The following COL13A1 variants were observed in gnomAD, a reference collection of about 807,000 sequenced individuals.
COL13A1 encodes collagen type XIII alpha 1 chain, also known as collagen alpha-1(XIII) chain.
A neutral mutation model predicts 130.9 loss-of-function variants in COL13A1; 89 were observed. That is an observed-to-expected ratio of 0.68 (90% CI 0.57 to 0.81). The LOEUF (loss-of-function observed/expected upper bound fraction) is 0.81, where lower values mean the gene tolerates loss of function less well. COL13A1 is among the 30% of genes least tolerant of loss of function. COL13A1 has a pLI of 0.00. For synonymous variants in COL13A1, 402 were observed against 341.6 expected (o/e 1.18, Z -1.95); for missense variants, 879 against 934.6 (o/e 0.94, Z 0.78).
rs1554863534 is a variant in COL13A1, at chr10:69,810,376, G to GAC, written c.294+7660_294+7661insCA. 2.3e-4 allele frequency among the ~76,000 whole-genome samples: 31 copies of GAC among 133,928 alleles called. 1 individual carries two copies. The highest frequency in any genetic ancestry group is 6.6e-4 in the African/African-American group (23 of 34,938). 87.9% of individuals were successfully genotyped at this position (133,928 alleles called of 152,430 possible). A position where few individuals can be genotyped will look rare whatever the true frequency, so the allele number is the denominator to read the frequency against. On this transcript the variant is annotated intron_variant, in intron 1 of 40. Coordinates refer to ENST00000645393, the MANE Select transcript of COL13A1 (RefSeq NM_001368882.1). Reference sequence around the variant, plus strand: ...AGAGAGAGAGAGAGAGAGAGAGAGAGAGAGACAGAGAGTCTGTGTGGCCCA... The same window carrying GAC: ...AGAGAGAGAGAGAGAGAGAGAGAGAGACAGAGACAGAGAGTCTGTGTGGCCCA...
At chr10:69,833,085 G>T (rs1181686728) in intron 2 of COL13A1, among the ~76,000 whole-genome samples, 4 of 152,194 alleles carry the variant, frequency 2.6e-5, no homozygotes, top group African/African-American at 7.2e-5. Flanking sequence ...GTCTCAGAGA[G>T]ACCAGTGGAA....
At chr10:69,854,930 G>A (rs1032922472) in intron 2 of COL13A1, among the ~76,000 whole-genome samples, 2 of 152,150 alleles carry the variant, frequency 1.3e-5, no homozygotes, top group Non-Finnish European at 2.9e-5. Context: ...GCTTTGTCAT[G>A]TGTGTAAGGA....
chr10:69,936,461 A>G (rs1489530034), intron 32 of COL13A1, among the ~76,000 whole-genome samples: 1 of 152,140 alleles, frequency 6.6e-6, no homozygotes, highest in Non-Finnish European at 1.5e-5. Flanking sequence ...GCCTGTATTA[A>G]TTTAATGTTT....
intron 33 of COL13A1, among the ~76,000 whole-genome samples, chr10:69,937,340 T>G (rs768516404): frequency 3.3e-5 from 5 of 152,196 alleles, no homozygotes; most frequent in Non-Finnish European, 5.9e-5. Context: ...TCTGTAAGGT[T>G]CCCATTCTCC....
chr10:69,867,671 G>C, intron 2 of COL13A1, 127 bp from the exon 3 acceptor site: 1 of 649,860 alleles, frequency 1.5e-6, no homozygotes, highest in Non-Finnish European at 2.9e-6. Context: ...GCCAGGAAAA[G>C]ACAAACTTCG....
chr10:69,816,190 T>C (rs1844456366), intron 1 of COL13A1, among the ~76,000 whole-genome samples: 2 of 145,070 alleles, frequency 1.4e-5, no homozygotes, highest in Admixed American at 1.4e-4. Flanking sequence ...GGCCAGGTGG[T>C]AGTCATGGAG....
At chr10:69,836,461 T>A (rs956007742) in intron 2 of COL13A1, among the ~76,000 whole-genome samples, 1 of 152,160 alleles carries the variant, frequency 6.6e-6, no homozygotes, top group Non-Finnish European at 1.5e-5. Flanking sequence ...CTCGGCTTCC[T>A]GGTGAGAGGC....
At chr10:69,879,136 A>T (rs1369038067) in intron 6 of COL13A1, among the ~76,000 whole-genome samples, 1 of 152,226 alleles carries the variant, frequency 6.6e-6, no homozygotes. Flanking sequence ...GCCAAGTCAC[A>T]TGCCCCGGGT....
At chr10:69,802,766 C>A in intron 1 of COL13A1, 49 bp downstream of exon 1, 2 of 1,603,290 alleles carry the variant, frequency 1.2e-6, no homozygotes, top group Admixed American at 1.7e-5. Context: ...GGCGCCCCCT[C>A]GCGCAGCCTC....
At chr10:69,923,276 A>T (rs1185178811) in intron 23 of COL13A1, among the ~76,000 whole-genome samples, 3 of 152,242 alleles carry the variant, frequency 2.0e-5, no homozygotes, top group African/African-American at 7.2e-5. Context: ...GGTAGGTGGC[A>T]GCAGTGGAGG....
Position 69,887,444 on chromosome 10 carries a change from T to G in COL13A1, c.514-12T>G. 6.2e-7 allele frequency: 1 copy of G among 1,612,880 alleles called. No homozygotes were observed. The highest frequency in any genetic ancestry group is 8.5e-7 in the Non-Finnish European group (1 of 1,179,508). On this transcript the variant is annotated splice_polypyrimidine_tract_variant and intron_variant, in intron 7 of 40. Coordinates refer to ENST00000645393, the MANE Select transcript of COL13A1 (RefSeq NM_001368882.1). ...GCTCAATCTCATGTGTCTCTTGTTTTTTTTTTTTCAGGGTCAACCAGGAAC... is the reference window on the plus strand; with the variant it reads ...GCTCAATCTCATGTGTCTCTTGTTTGTTTTTTTTCAGGGTCAACCAGGAAC...
chr10:69,802,788 G>C, intron 1 of COL13A1, 71 bp downstream of exon 1: 1 of 1,569,012 alleles, frequency 6.4e-7, no homozygotes, highest in Non-Finnish European at 8.7e-7. Flanking sequence ...AGACTGTTCA[G>C]CCGGTGTCCG....
chr10:69,939,224 T>C (rs1423242624), intron 34 of COL13A1, among the ~76,000 whole-genome samples: 1 of 152,230 alleles, frequency 6.6e-6, no homozygotes, highest in Non-Finnish European at 1.5e-5. Flanking sequence ...AGAGACCGTG[T>C]ATCCCTTCTT....
chr10:69,849,812 G>A (rs1412403874), intron 2 of COL13A1, among the ~76,000 whole-genome samples: 8 of 152,266 alleles, frequency 5.3e-5, no homozygotes, highest in South Asian at 2.1e-4. Context: ...CTCCCCACCC[G>A]GTGTGGCCTG....
intron 2 of COL13A1, among the ~76,000 whole-genome samples, chr10:69,840,114 G>A (rs933641274): frequency 4.6e-5 from 7 of 152,204 alleles, no homozygotes; most frequent in African/African-American, 1.7e-4. Flanking sequence ...AGGCCTTGCT[G>A]ATGGGCTGGC....
chr10:69,834,589 A>C lies in COL13A1; in HGVS notation c.364+12151A>C, dbSNP rs576929405. On this transcript the variant is annotated intron_variant, in intron 2 of 40. Coordinates refer to ENST00000645393, the MANE Select transcript of COL13A1 (RefSeq NM_001368882.1). The stretch of plus-strand genomic sequence containing the variant: ...CACCCTATGATGTAAGGCTATGGCT[A>C]TCCACATTTCAAAAATGAAGAAACT... Among the ~76,000 whole-genome samples, 9 of 152,336 alleles carry C rather than the reference A, an allele frequency of 5.9e-5. No individual in the cohort carries two copies. In the South Asian group the frequency reaches 1.7e-3, roughly 28 times the overall value.
At chr10:69,916,395 G>C (rs780252592) in intron 17 of COL13A1, among the ~76,000 whole-genome samples, 6 of 152,156 alleles carry the variant, frequency 3.9e-5, no homozygotes, top group East Asian at 1.9e-4. Flanking sequence ...CTGGGGCTTC[G>C]TGCTCAGGCA....
chr10:69,897,623 G>A, intron 13 of COL13A1: 1 of 1,381,898 alleles, frequency 7.2e-7, no homozygotes, highest in Non-Finnish European at 1.0e-6. Context: ...GGCCCCGGCA[G>A]TGGGAGCGGG....
At chr10:69,837,228 G>A (rs1326475475) in intron 2 of COL13A1, among the ~76,000 whole-genome samples, 3 of 152,234 alleles carry the variant, frequency 2.0e-5, no homozygotes, top group African/African-American at 7.2e-5. Context: ...GGCCCCATCA[G>A]CATCCCATGG....
Sources: gnomAD v4.1 joint callset for allele counts (sites outside exome capture counted in the v4.1 genomes callset) on GRCh38, gnomAD v4.1.1 for gene constraint, MANE v1.5 for transcripts, NCBI Gene and HGNC (gene_info 2026-07-23, HGNC 2026-07-21) for gene names.